The following VPS13A variants were observed in gnomAD, a reference collection of about 807,000 sequenced individuals.
The protein encoded by VPS13A is intermembrane lipid transfer protein VPS13A.
In VPS13A, 264 loss-of-function variants were observed where a neutral mutation model predicts 390.9. The observed-to-expected ratio is 0.68, with a 90% confidence interval of 0.61 to 0.75. VPS13A has a LOEUF of 0.75. Among genes scored for constraint, VPS13A ranks in the 30% least tolerant of loss-of-function variants. The pLI is 0.00. For missense variants in VPS13A, 3,409 were observed against 3,733.9 expected (o/e 0.91, Z 2.27); for synonymous variants, 1,231 against 1,227.1 (o/e 1.00, Z -0.07).
At chr9:77,396,911 C>G (rs549297728) in intron 68 of VPS13A, among the ~76,000 whole-genome samples, 1 of 152,182 alleles carries the variant, frequency 6.6e-6, no homozygotes, top group Non-Finnish European at 1.5e-5. Flanking sequence ...CTCAAATTAA[C>G]CAGTCTATAA....
At chr9:77,180,168 C>T (rs879863924) in intron 1 of VPS13A, among the ~76,000 whole-genome samples, 1 of 151,160 alleles carries the variant, frequency 6.6e-6, no homozygotes, top group Non-Finnish European at 1.5e-5. Context: ...ATGAATAATG[C>T]CACTGAACAT....
Position 77,337,475 on chromosome 9 carries a change from C to T in VPS13A, c.6316C>T (p.His2106Tyr). The T allele has an allele frequency of 6.2e-7, 1 of 1,613,624 alleles. No individual in the cohort carries two copies. The highest frequency in any genetic ancestry group is 8.5e-7 in the Non-Finnish European group (1 of 1,179,798). ...TGGTTGGGATTTACCATACATAATG[C>T]ATTTGTGGCCACCTATCCTGCTCCG... ...EDGWDLPYIM[H>Y]LWPPILLRNL... Residue 2106 changes from histidine (H) to tyrosine (Y), a missense_variant, in exon 47 of 72, where the codon CAT becomes TAT. Transcript: ENST00000360280.
intron 41 of VPS13A, among the ~76,000 whole-genome samples, chr9:77,319,154 C>T (rs1478394898): frequency 6.8e-6 from 1 of 147,938 alleles, no homozygotes; most frequent in Non-Finnish European, 1.5e-5. Context: ...TGAGATCTTA[C>T]CACTGCACTC....
At chr9:77,236,039 G>C (rs1055153677) in intron 17 of VPS13A, among the ~76,000 whole-genome samples, 4 of 152,074 alleles carry the variant, frequency 2.6e-5, no homozygotes, top group Non-Finnish European at 4.4e-5. Context: ...TCCCAACGTA[G>C]ACTAATATAA....
chr9:77,186,058 C>T (rs1356549510), intron 1 of VPS13A, among the ~76,000 whole-genome samples: 1 of 152,140 alleles, frequency 6.6e-6, no homozygotes, highest in African/African-American at 2.4e-5. Context: ...AACTGGGAGG[C>T]AGTGAGCCGA....
chr9:77,253,098 A>G (rs1305114019), intron 22 of VPS13A, among the ~76,000 whole-genome samples: 2 of 152,188 alleles, frequency 1.3e-5, no homozygotes, highest in East Asian at 3.8e-4. Flanking sequence ...TCCTACCAGC[A>G]CAAGAGTTTC....
intron 45 of VPS13A, among the ~76,000 whole-genome samples, chr9:77,327,633 A>G (rs1452297502): frequency 6.7e-6 from 1 of 149,548 alleles, no homozygotes; most frequent in Non-Finnish European, 1.5e-5. Context: ...AGGTTTTCTG[A>G]TATTATTATT....
intron 23 of VPS13A, among the ~76,000 whole-genome samples, chr9:77,263,061 G>A (rs1825845491): frequency 6.6e-6 from 1 of 151,724 alleles, no homozygotes; most frequent in Non-Finnish European, 1.5e-5. Context: ...CAGTGTAAAA[G>A]TGTTCCTGTT....
At chr9:77,259,947 TA>T in intron 22 of VPS13A, 138 bp from the exon 23 acceptor site, 1 of 656,176 alleles carries the variant, frequency 1.5e-6, no homozygotes, top group Non-Finnish European at 2.5e-6. Flanking sequence ...GTTAATACGG[TA>T]AGACGGAAAT....
intron 31 of VPS13A, among the ~76,000 whole-genome samples, chr9:77,289,784 C>CT (rs558593582): frequency 0.29 from 40,498 of 141,532 alleles, 7,272 homozygotes; most frequent in African/African-American, 0.51. Context: ...TTTCTCATTT[C>CT]TTTTTTTTTT....
chr9:77,307,909 C>T (rs1431256399), intron 34 of VPS13A, 36 bp from the exon 35 acceptor site: 2 of 1,513,360 alleles, frequency 1.3e-6, no homozygotes, highest in Non-Finnish European at 1.8e-6. Flanking sequence ...AATGAAGTAG[C>T]AGTGCTAAAA....
chr9:77,295,006 C>CT, intron 32 of VPS13A, among the ~76,000 whole-genome samples: 1 of 151,850 alleles, frequency 6.6e-6, no homozygotes, highest in East Asian at 1.9e-4. Context: ...AATCATGTCA[C>CT]TTGAGCCCTC....
chr9:77,222,843 TG>T (rs1823300202), intron 13 of VPS13A, among the ~76,000 whole-genome samples: 1 of 152,204 alleles, frequency 6.6e-6, no homozygotes, highest in Non-Finnish European at 1.5e-5. Flanking sequence ...AAGGTTTCTT[TG>T]TACGCCATAA....
At chr9:77,325,000 A>G (rs1189954944) in intron 45 of VPS13A, among the ~76,000 whole-genome samples, 1 of 152,180 alleles carries the variant, frequency 6.6e-6, no homozygotes, top group Non-Finnish European at 1.5e-5. Flanking sequence ...AGGAATAGAA[A>G]GCTCCACCCA....
intron 71 of VPS13A, among the ~76,000 whole-genome samples, chr9:77,413,382 C>G (rs1835026942): frequency 6.6e-6 from 1 of 152,030 alleles, no homozygotes; most frequent in African/African-American, 2.4e-5. Flanking sequence ...GGTACTGGTA[C>G]CAAAACAGAG....
intron 52 of VPS13A, among the ~76,000 whole-genome samples, chr9:77,346,232 C>T (rs1294962689): frequency 1.3e-5 from 2 of 151,944 alleles, no homozygotes; most frequent in Admixed American, 6.6e-5. Flanking sequence ...GGTGGTATCT[C>T]ATTGTGGTTT....
intron 46 of VPS13A, among the ~76,000 whole-genome samples, chr9:77,335,225 A>G (rs1216083280): frequency 6.6e-6 from 1 of 152,228 alleles, no homozygotes; most frequent in Admixed American, 6.5e-5. Flanking sequence ...AAAATTAAGT[A>G]TAAAATATTG....
rs1211799212 is a variant in VPS13A at position 77,281,907 on chromosome 9, A to G, written c.2945A>G (p.Asn982Ser). Residue 982 changes from asparagine to serine, a missense_variant, in exon 28 of 72, where the codon AAT becomes AGT. Physicochemically the swap from Asn to Ser is conservative, Grantham distance 46. Coordinates refer to ENST00000360280, the MANE Select transcript of VPS13A (RefSeq NM_033305.3). Reference protein sequence around the residue: ...NVPDLKSTYNNVLQLIKVNFS... With the variant: ...NVPDLKSTYNSVLQLIKVNFS... ...CCCGACTTGAAAAGTACCTATAACAATGTTTTACAATTGATTAAGGTATGA... is the reference window on the plus strand; with the variant it reads ...CCCGACTTGAAAAGTACCTATAACAGTGTTTTACAATTGATTAAGGTATGA... The G allele has an allele frequency of 1.9e-6, 3 of 1,595,328 alleles. No individual in the cohort carries two copies. The highest frequency in any genetic ancestry group is 1.3e-5 in the African/African-American group (1 of 74,412).
At chr9:77,314,959 G>C (rs1304585821) in intron 37 of VPS13A, among the ~76,000 whole-genome samples, 3 of 152,026 alleles carry the variant, frequency 2.0e-5, no homozygotes, top group Non-Finnish European at 1.5e-5. Context: ...ATAAGTTATT[G>C]TTAATCCATG....
Sources: gnomAD v4.1 joint callset for allele counts (sites outside exome capture counted in the v4.1 genomes callset) on GRCh38, gnomAD v4.1.1 for gene constraint, MANE v1.5 for transcripts, NCBI Gene and HGNC (gene_info 2026-07-23, HGNC 2026-07-21) for gene names.